Variants in ATL2 observed in about 807,000 individuals in gnomAD.
ATL2 encodes atlastin-2.
In ATL2, 31 loss-of-function variants were observed where a neutral mutation model predicts 73.9. The ratio of observed to expected loss-of-function variants is 0.42; its 90% CI spans 0.32 to 0.57. The LOEUF is 0.57. Ranked by LOEUF, ATL2 falls within the 20% of genes least tolerant of loss-of-function variation. ATL2 has a pLI of 0.14. For missense variants in ATL2, 738 were observed against 702.6 expected (o/e 1.05, Z -0.57); for synonymous variants, 291 against 237.5 (o/e 1.23, Z -2.07).
chr2:38,337,954 A>G (rs1187743649), intron 2 of ATL2, among the ~76,000 whole-genome samples: 1 of 152,220 alleles, frequency 6.6e-6, no homozygotes, highest in Non-Finnish European at 1.5e-5. Context: ...CACTGTGTTT[A>G]GTTTCATGTA....
intron 7 of ATL2, among the ~76,000 whole-genome samples, chr2:38,311,823 T>A (rs10451646): frequency 0.5 from 75,431 of 152,030 alleles, 20,740 homozygotes; most frequent in African/African-American, 0.75. Context: ...ATAAAAAGTT[T>A]AAAAACTTTC....
intron 1 of ATL2, among the ~76,000 whole-genome samples, chr2:38,366,096 TG>T (rs1327151423): frequency 1.4e-5 from 2 of 144,672 alleles, no homozygotes; most frequent in African/African-American, 5.1e-5. Flanking sequence ...GTGACTAATT[TG>T]AAAAAAAAAA....
intron 1 of ATL2, among the ~76,000 whole-genome samples, chr2:38,374,407 T>C (rs1308949317): frequency 6.6e-6 from 1 of 152,196 alleles, no homozygotes; most frequent in Non-Finnish European, 1.5e-5. Flanking sequence ...AAACCCAAAA[T>C]GTCTACAAAA....
At chr2:38,366,656 G>A (rs1008022013) in intron 1 of ATL2, among the ~76,000 whole-genome samples, 3 of 152,128 alleles carry the variant, frequency 2.0e-5, no homozygotes, top group Non-Finnish European at 2.9e-5. Context: ...TTCTACTTCA[G>A]AACATATAAG....
At chr2:38,363,226 T>C (rs910291416) in intron 1 of ATL2, among the ~76,000 whole-genome samples, 2 of 152,144 alleles carry the variant, frequency 1.3e-5, no homozygotes, top group Non-Finnish European at 2.9e-5. Context: ...AAATGCATCA[T>C]CCTCCAACTA....
At chr2:38,342,258 G>A (rs1281871061) in intron 2 of ATL2, among the ~76,000 whole-genome samples, 1 of 151,924 alleles carries the variant, frequency 6.6e-6, no homozygotes. Flanking sequence ...CTAAGACCCA[G>A]TTCTTGTGCC....
At chr2:38,343,119 T>C (rs1450512881) in intron 2 of ATL2, 149 bp downstream of exon 2, 2 of 694,210 alleles carry the variant, frequency 2.9e-6, no homozygotes, top group Non-Finnish European at 2.0e-6. Flanking sequence ...CTGCACTCCA[T>C]CCTGGGTAAC....
At chr2:38,356,839 A>T (rs1281086144) in intron 1 of ATL2, among the ~76,000 whole-genome samples, 1 of 152,228 alleles carries the variant, frequency 6.6e-6, no homozygotes, top group Non-Finnish European at 1.5e-5. Context: ...TTCCTCTTGT[A>T]TGAACGGTCT....
At chr2:38,309,589 T>C (rs1667637291) in intron 8 of ATL2, 83 bp from the exon 9 acceptor site, 2 of 1,392,668 alleles carry the variant, frequency 1.4e-6, no homozygotes, top group East Asian at 4.6e-5. Context: ...TTCTGTTTTA[T>C]GAAATAAGAA....
In ATL2 at chr2:38,319,034, G is replaced by C; in HGVS notation, c.364-15C>G. 1 of 1,605,908 alleles carries C rather than the reference G, an allele frequency of 6.2e-7. No individual in the cohort carries two copies. The highest frequency in any genetic ancestry group is 8.5e-7 in the Non-Finnish European group (1 of 1,176,918). ...CTTTGAGAATCCTGTTAAAGTCAAG[G>C]ATAAATGTAAAATACAACACAATTA... is the stretch of plus-strand genomic sequence containing the variant. On this transcript the variant is annotated splice_polypyrimidine_tract_variant and intron_variant, in intron 2 of 12. Coordinates refer to ENST00000378954, the MANE Select transcript of ATL2 (RefSeq NM_001135673.4).
At chr2:38,355,781 C>A (rs1481593226) in intron 1 of ATL2, among the ~76,000 whole-genome samples, 1 of 150,710 alleles carries the variant, frequency 6.6e-6, no homozygotes, top group African/African-American at 2.4e-5. Flanking sequence ...CTCACTGCAA[C>A]CCCCGTCTTG....
chr2:38,298,116 A>G, intron 12 of ATL2, 28 bp downstream of exon 12: 1 of 1,561,236 alleles, frequency 6.4e-7, no homozygotes, highest in Non-Finnish European at 8.7e-7. Context: ...AAGATTAGTC[A>G]CTAAAAAACC....
intron 2 of ATL2, among the ~76,000 whole-genome samples, chr2:38,335,059 A>T (rs1168182837): frequency 1.3e-5 from 2 of 148,532 alleles, no homozygotes; most frequent in African/African-American, 2.5e-5. Context: ...TCAACAAAAT[A>T]CACATCAGAA....
At chr2:38,357,871 T>C (rs142553181) in intron 1 of ATL2, among the ~76,000 whole-genome samples, 14 of 152,278 alleles carry the variant, frequency 9.2e-5, no homozygotes, top group African/African-American at 1.9e-4. Context: ...ACAGGCTTTA[T>C]AGATTATGCA....
At chr2:38,336,203 C>G (rs758087103) in intron 2 of ATL2, among the ~76,000 whole-genome samples, 12 of 152,188 alleles carry the variant, frequency 7.9e-5, no homozygotes, top group Non-Finnish European at 1.8e-4. Context: ...AAGGTAAAAT[C>G]AAGTTCAACA....
chr2:38,312,242 C>T (rs1266227648), intron 7 of ATL2, among the ~76,000 whole-genome samples: 8 of 152,160 alleles, frequency 5.3e-5, no homozygotes, highest in Non-Finnish European at 8.8e-5. Context: ...ACCCAAATCT[C>T]ATCTCAAATT....
chr2:38,358,813 A>G (rs1670837628), intron 1 of ATL2: 1 of 152,694 alleles, frequency 6.5e-6, no homozygotes, highest in Non-Finnish European at 1.5e-5. Flanking sequence ...GTGAGCTTTT[A>G]TAACAGTGCT....
At chr2:38,341,821 G>GAGA (rs1669737185) in intron 2 of ATL2, among the ~76,000 whole-genome samples, 1 of 152,158 alleles carries the variant, frequency 6.6e-6, no homozygotes, top group Non-Finnish European at 1.5e-5. Context: ...AAAACCAAAT[G>GAGA]AGAATGTTTA....
chr2:38,334,596 G>T (rs1423696660), intron 2 of ATL2, among the ~76,000 whole-genome samples: 1 of 151,244 alleles, frequency 6.6e-6, no homozygotes, highest in African/African-American at 2.4e-5. Context: ...TACTCAGGAG[G>T]CTGTGGCAGG....
Sources: gnomAD v4.1 joint callset for allele counts (sites outside exome capture counted in the v4.1 genomes callset) on GRCh38, gnomAD v4.1.1 for gene constraint, MANE v1.5 for transcripts, NCBI Gene and HGNC (gene_info 2026-07-23, HGNC 2026-07-21) for gene names.